The following PCMTD2 variants were observed in gnomAD, a reference collection of about 807,000 sequenced individuals.
PCMTD2 encodes protein-L-isoaspartate (D-aspartate) O-methyltransferase domain containing 2.
In PCMTD2, 16 loss-of-function variants were observed where a neutral mutation model predicts 33.4. The observed-to-expected ratio is 0.48, with a 90% CI of 0.32 to 0.73. PCMTD2 has a LOEUF of 0.73. Among genes scored for constraint, PCMTD2 ranks in the 30% least tolerant of loss-of-function variants. PCMTD2 has a pLI of 0.03. For missense variants in PCMTD2, 374 were observed against 449.9 expected, an observed-to-expected ratio of 0.83 and a Z score of 1.53; for synonymous variants, 161 against 160.8, an observed-to-expected ratio of 1.00 and a Z score of -0.01.
intron 2 of PCMTD2, chr20:64,262,781 A>ATCTC (rs1985483924): frequency 1.3e-5 from 2 of 152,300 alleles, no homozygotes; most frequent in Admixed American, 1.3e-4. Flanking sequence ...GGGAGAATAC[A>ATCTC]GTAGCTACTA....
chr20:64,270,742 A>G (rs1985883265), intron 5 of PCMTD2, among the ~76,000 whole-genome samples: 1 of 150,102 alleles, frequency 6.7e-6, no homozygotes, highest in Non-Finnish European at 1.5e-5. Flanking sequence ...CTTCTGAGGA[A>G]GGGCACGTGA....
rs150939652 is a variant in PCMTD2 at position 64,270,180 on chromosome 20, G to A, written c.706+2170G>A. On this transcript the variant is annotated intron_variant, in intron 5 of 5. Coordinates refer to ENST00000308824, the MANE Select transcript of PCMTD2 (RefSeq NM_018257.3). Reference sequence around the variant, plus strand: ...ATGCACGTTGTGGGGTCGTGTGGGTGTGCACGGTGTGGGGTCGTGAGTGCG... The same window carrying A: ...ATGCACGTTGTGGGGTCGTGTGGGTATGCACGGTGTGGGGTCGTGAGTGCG... Among the ~76,000 whole-genome samples, 561 of 146,382 alleles carry A rather than the reference G, an allele frequency of 3.8e-3. 2 individuals are homozygous for A. Among genetic ancestry groups the A allele is most frequent in the Admixed American group, 6.1e-3 (90 of 14,732 alleles).
Position 64,265,438 on chromosome 20 carries a change from C to A in PCMTD2, c.582+9C>A, listed in dbSNP as rs777784738. On this transcript the variant is annotated intron_variant, in intron 4 of 5. Coordinates refer to ENST00000308824, the MANE Select transcript of PCMTD2 (RefSeq NM_018257.3). The stretch of plus-strand genomic sequence containing the variant: ...TGCCACTGGAAGAGAAGGTCAGATT[C>A]CCTTCATAACTGACATTTCTGCACA... 2 of 1,600,648 alleles carry A rather than the reference C, an allele frequency of 1.2e-6. No homozygotes were observed. The highest frequency in any genetic ancestry group is 1.3e-5 in the African/African-American group (1 of 74,654).
At position 64,274,215 on chromosome 20, in the gene PCMTD2, A is replaced by C. The variant is rs1009465246; in HGVS notation, c.*615A>C. 1.3e-5 allele frequency: 2 copies of C among 151,684 alleles called. No homozygotes were observed. The highest frequency in any genetic ancestry group is 2.9e-5 in the Non-Finnish European group (2 of 67,984). 9.4% of individuals were successfully genotyped at this position (151,684 alleles called of 1,614,324 possible). On this transcript the variant is annotated 3_prime_UTR_variant, in exon 6 of 6. Coordinates refer to ENST00000308824, the MANE Select transcript of PCMTD2 (RefSeq NM_018257.3). ...AATCTTATGTGAGTTGCCAGTTGTAATTTTTCAAAGGAAAAATTTTGATGG... is the reference window on the plus strand; with the variant it reads ...AATCTTATGTGAGTTGCCAGTTGTACTTTTTCAAAGGAAAAATTTTGATGG...
chr20:64,274,771 A>C lies in PCMTD2; in HGVS notation c.*1171A>C, dbSNP rs1986048870. On this transcript the variant is annotated 3_prime_UTR_variant, in exon 6 of 6. Coordinates refer to ENST00000308824, the MANE Select transcript of PCMTD2 (RefSeq NM_018257.3). ...CCTTCTCTGGGCCTTGTGTGTGGAGAGCTTTCTATCTTACCAAGTGGTAGG... is the reference window on the plus strand; with the variant it reads ...CCTTCTCTGGGCCTTGTGTGTGGAGCGCTTTCTATCTTACCAAGTGGTAGG... 1 of 152,198 alleles carries C rather than the reference A, an allele frequency of 6.6e-6. No individual in the cohort carries two copies. The highest frequency in any genetic ancestry group is 2.4e-5 in the African/African-American group (1 of 41,454). The allele number at this position is 152,198 out of a possible 1,614,324, so 9.4% of individuals were successfully genotyped here.
chr20:64,260,069 C>G lies in PCMTD2; in HGVS notation c.104C>G (p.Ala35Gly), dbSNP rs570160089. 5 of 1,610,800 alleles carry G rather than the reference C, an allele frequency of 3.1e-6. No individual in the cohort carries two copies. Among genetic ancestry groups the G allele is most frequent in the Non-Finnish European group, 4.2e-6 (5 of 1,177,096 alleles). ...GAGCTGGTAGAGCAGGCTTTCAGAG[C>G]TATCGATCGTGCAGACTATTATCTT... Reference protein sequence around the residue: ...RTELVEQAFRAIDRADYYLEE... With the variant: ...RTELVEQAFRGIDRADYYLEE... Residue 35 changes from alanine to glycine, a missense_variant, in exon 2 of 6, where the codon GCT becomes GGT. Transcript: ENST00000308824.
At chr20:64,258,370 A>G (rs1308489504) in intron 1 of PCMTD2, among the ~76,000 whole-genome samples, 2 of 152,222 alleles carry the variant, frequency 1.3e-5, no homozygotes, top group East Asian at 1.9e-4. Flanking sequence ...GGGCTCCGAA[A>G]CAATTCAAAA....
chr20:64,262,815 C>T (rs1017102770), intron 2 of PCMTD2: 2 of 152,298 alleles, frequency 1.3e-5, no homozygotes, highest in African/African-American at 4.8e-5. Flanking sequence ...CATAAGTCAC[C>T]TACCTGAAAA....
In PCMTD2 at chr20:64,273,664, G is replaced by A. The variant is rs1194628482; in HGVS notation, c.*64G>A. On this transcript the variant is annotated 3_prime_UTR_variant, in exon 6 of 6. Coordinates refer to ENST00000308824, the MANE Select transcript of PCMTD2 (RefSeq NM_018257.3). ...GCTGAGTGTGAAGTTCGTGCTGCCT[G>A]TGTGCTGTTGAAGGGTCACCTGGAG... 1 of 1,436,728 alleles carries A rather than the reference G, an allele frequency of 7.0e-7. No homozygotes were observed. Among genetic ancestry groups the A allele is most frequent in the Non-Finnish European group, 9.3e-7 (1 of 1,071,066 alleles). 89.0% of individuals were successfully genotyped at this position (1,436,728 alleles called of 1,614,324 possible). A position where few individuals can be genotyped will look rare whatever the true frequency, so the allele number is the denominator to read the frequency against.
At chr20:64,266,318 C>T (rs1036421413) in intron 4 of PCMTD2, among the ~76,000 whole-genome samples, 6 of 152,214 alleles carry the variant, frequency 3.9e-5, no homozygotes, top group Non-Finnish European at 5.9e-5. Context: ...AGTGCAGTGG[C>T]GCGATCTCAG....
intron 5 of PCMTD2, among the ~76,000 whole-genome samples, chr20:64,269,918 TGA>T (rs1985824949): frequency 3.2e-5 from 4 of 126,692 alleles, no homozygotes; most frequent in Admixed American, 7.9e-5. Flanking sequence ...GTGTGTGGTG[TGA>T]GTGTGGTCCT....
intron 5 of PCMTD2, chr20:64,271,923 C>CTTCCAGATTACTCTGGAAG (rs1985927317): frequency 4.6e-6 from 1 of 218,170 alleles, no homozygotes; most frequent in African/African-American, 2.3e-5. Flanking sequence ...TGGAAGTAAT[C>CTTCCAGATTACTCTGGAAG]TGTCTAGATG....
Position 64,273,260 on chromosome 20 carries a change from T to C in PCMTD2, c.746T>C (p.Ile249Thr). Residue 249 changes from isoleucine to threonine, a missense_variant, in exon 6 of 6, where the codon ATC (isoleucine) becomes ACC (threonine). Ile to Thr is a moderately conservative substitution (Grantham distance 89). Coordinates refer to ENST00000308824, the MANE Select transcript of PCMTD2 (RefSeq NM_018257.3). ...CGCAGCCTCCAGGACTTGGCTCGCA[T>C]CGCCATCCGGGGCACCATTAAAAAG... ...AVRSLQDLAR[I>T]AIRGTIKKII... 2 of 1,614,066 alleles carry C rather than the reference T, an allele frequency of 1.2e-6. No individual in the cohort carries two copies. The highest frequency in any genetic ancestry group is 1.7e-6 in the Non-Finnish European group (2 of 1,179,978).
intron 1 of PCMTD2, among the ~76,000 whole-genome samples, chr20:64,257,600 A>G (rs1985221749): frequency 1.3e-5 from 2 of 152,230 alleles, no homozygotes. Flanking sequence ...GATGGTTTTC[A>G]GTGCGAGGGA....
At chr20:64,256,349 A>G (rs892175399) in intron 1 of PCMTD2, among the ~76,000 whole-genome samples, 1 of 152,072 alleles carries the variant, frequency 6.6e-6, no homozygotes, top group Non-Finnish European at 1.5e-5. Context: ...TCACGCATGG[A>G]AAGAGATCTT....
Position 64,260,037 on chromosome 20 carries a change from C to G in PCMTD2, c.72C>G (p.Ile24Met). ...LIDNLKEAQY[I>M]RTELVEQAFR... ...ATAATTTGAAAGAAGCACAGTATATCCGGACTGAGCTGGTAGAGCAGGCTT... is the reference window on the plus strand; with the variant it reads ...ATAATTTGAAAGAAGCACAGTATATGCGGACTGAGCTGGTAGAGCAGGCTT... Residue 24 changes from isoleucine (I) to methionine (M), a missense_variant, in exon 2 of 6, where the codon ATC becomes ATG. By Grantham distance (10) the Ile-to-Met change is conservative. Transcript: ENST00000308824. 6.2e-7 allele frequency: 1 copy of G among 1,609,692 alleles called. No individual in the cohort carries two copies. The highest frequency in any genetic ancestry group is 8.5e-7 in the Non-Finnish European group (1 of 1,176,004).
In PCMTD2 at chr20:64,260,046, G is replaced by A; in HGVS notation, c.81G>A (p.Glu27=). ...AAGAAGCACAGTATATCCGGACTGAGCTGGTAGAGCAGGCTTTCAGAGCTA... is the reference window on the plus strand; with the variant it reads ...AAGAAGCACAGTATATCCGGACTGAACTGGTAGAGCAGGCTTTCAGAGCTA... The part of the protein sequence containing the change: ...NLKEAQYIRT[E]LVEQAFRAID... The change falls in exon 2 of 6, where the codon GAG becomes GAA. Residue 27 remains glutamate (E), a synonymous_variant. Transcript: ENST00000308824. 1 of 1,611,600 alleles carries A rather than the reference G, an allele frequency of 6.2e-7. No homozygotes were observed. Among genetic ancestry groups the A allele is most frequent in the Non-Finnish European group, 8.5e-7 (1 of 1,177,698 alleles).
chr20:64,272,210 G>C, intron 5 of PCMTD2: 1 of 506,472 alleles, frequency 2.0e-6, no homozygotes, highest in Non-Finnish European at 3.8e-6. Flanking sequence ...CTGAGATTCT[G>C]TGCAGGCCTT....
intron 2 of PCMTD2, among the ~76,000 whole-genome samples, chr20:64,261,471 A>G (rs970464954): frequency 1.3e-5 from 2 of 152,192 alleles, no homozygotes; most frequent in Non-Finnish European, 2.9e-5. Flanking sequence ...GCCCTTTGGG[A>G]AGCCGAGGTC....
Sources: gnomAD v4.1 joint callset for allele counts (sites outside exome capture counted in the v4.1 genomes callset) on GRCh38, gnomAD v4.1.1 for gene constraint, MANE v1.5 for transcripts, NCBI Gene and HGNC (gene_info 2026-07-23, HGNC 2026-07-21) for gene names.